LRRC4C: variants seen among roughly 807,000 people sequenced by gnomAD.
LRRC4C encodes leucine rich repeat containing 4C.
A neutral mutation model predicts 33.6 loss-of-function variants in LRRC4C; 5 were observed. The observed-to-expected ratio is 0.15, with a 90% CI of 0.08 to 0.31. LRRC4C has a LOEUF of 0.31. Among genes scored for constraint, LRRC4C ranks in the 10% least tolerant of loss-of-function variants. The probability of loss-of-function intolerance (pLI) is 1.00; values close to 1 mark genes in which losing one functional copy is unlikely to be tolerated. For missense variants in LRRC4C, 560 were observed against 796.7 expected, an observed-to-expected ratio of 0.70 and a Z score of 3.58; for synonymous variants, 329 against 302.0, an observed-to-expected ratio of 1.09 and a Z score of -0.93.
chr11:41,390,296 A>G (rs944194228), intron 1 of LRRC4C, among the ~76,000 whole-genome samples: 2 of 152,056 alleles, frequency 1.3e-5, no homozygotes, highest in Non-Finnish European at 2.9e-5. Flanking sequence ...TTTAGGAGAA[A>G]CAATCAGTCT....
At chr11:41,021,412 C>T (rs2137677418) in intron 1 of LRRC4C, among the ~76,000 whole-genome samples, 1 of 152,046 alleles carries the variant, frequency 6.6e-6, no homozygotes, top group African/African-American at 2.4e-5. Context: ...TAACAAAAAA[C>T]CCTACACTAG....
At chr11:40,799,714 C>G (rs897039553) in intron 2 of LRRC4C, among the ~76,000 whole-genome samples, 3 of 152,218 alleles carry the variant, frequency 2.0e-5, no homozygotes, top group African/African-American at 7.2e-5. Context: ...AGTGATTCAC[C>G]TGCCTCGGCC....
chr11:40,492,599 C>T (rs956622001), intron 3 of LRRC4C, among the ~76,000 whole-genome samples: 1 of 152,118 alleles, frequency 6.6e-6, no homozygotes, highest in Admixed American at 6.6e-5. Flanking sequence ...TGGTTTCAAA[C>T]AATTCAACTG....
At chr11:40,638,077 T>C (rs1022913144) in intron 3 of LRRC4C, among the ~76,000 whole-genome samples, 2 of 152,244 alleles carry the variant, frequency 1.3e-5, no homozygotes, top group African/African-American at 4.8e-5. Flanking sequence ...CTGACTGTCA[T>C]TTAAAATTGC....
chr11:41,349,453 G>GA (rs753055771), intron 1 of LRRC4C, among the ~76,000 whole-genome samples: 115 of 150,338 alleles, frequency 7.6e-4, no homozygotes, highest in Middle Eastern at 3.4e-3. Flanking sequence ...AGGGGCTGGA[G>GA]GAAAAAAACA....
At chr11:40,975,150 A>T (rs1592234815) in intron 1 of LRRC4C, among the ~76,000 whole-genome samples, 1 of 152,212 alleles carries the variant, frequency 6.6e-6, no homozygotes, top group East Asian at 1.9e-4. Context: ...ATATCTATAG[A>T]TGTCTATCTA....
chr11:40,830,316 G>GT (rs1226444681), intron 2 of LRRC4C, among the ~76,000 whole-genome samples: 1 of 152,030 alleles, frequency 6.6e-6, no homozygotes, highest in Non-Finnish European at 1.5e-5. Context: ...ATACAAGCTA[G>GT]TATCTTATTA....
At chr11:41,076,729 A>G (rs980067950) in intron 1 of LRRC4C, among the ~76,000 whole-genome samples, 1 of 152,028 alleles carries the variant, frequency 6.6e-6, no homozygotes, top group Non-Finnish European at 1.5e-5. Flanking sequence ...TCCTTTTCAC[A>G]TTTCAAAACC....
At chr11:40,715,765 C>T (rs868110693) in intron 2 of LRRC4C, among the ~76,000 whole-genome samples, 2 of 152,210 alleles carry the variant, frequency 1.3e-5, no homozygotes, top group Non-Finnish European at 2.9e-5. Context: ...TAGCTCATGC[C>T]TATAATCCCA....
At position 40,673,173 on chromosome 11, in the gene LRRC4C, C is replaced by T. The variant is rs12291211; in HGVS notation, c.-406-24895G>A. Among the ~76,000 whole-genome samples, 973 of 152,058 alleles carry T rather than the reference C, an allele frequency of 6.4e-3. 14 individuals are homozygous for T. Among genetic ancestry groups the T allele is most frequent in the African/African-American group, 0.022 (920 of 41,488 alleles). ...TTCAAAAAGTTTATTATGGTGAAACCAATATCTTCTCTTACATGATCCTTA... is the reference window on the plus strand; with the variant it reads ...TTCAAAAAGTTTATTATGGTGAAACTAATATCTTCTCTTACATGATCCTTA... On this transcript the variant is annotated intron_variant, in intron 2 of 6. Transcript: ENST00000528697.
chr11:40,849,568 A>AT (rs369965113), intron 2 of LRRC4C, among the ~76,000 whole-genome samples: 32 of 151,450 alleles, frequency 2.1e-4, no homozygotes, highest in Non-Finnish European at 7.4e-5. Flanking sequence ...TGCCCTTAAC[A>AT]TTTTTTTTCC....
In LRRC4C at chr11:41,459,614, C is replaced by T. The variant is rs565062745; in HGVS notation, c.-679G>A. 1 of 151,340 alleles carries T rather than the reference C, an allele frequency of 6.6e-6. No individual in the cohort carries two copies. The highest frequency in any genetic ancestry group is 2.1e-4 in the South Asian group (1 of 4,792). The allele number at this position is 151,340 out of a possible 1,614,324, so 9.4% of individuals were successfully genotyped here. On this transcript the variant is annotated 5_prime_UTR_variant, in exon 1 of 7. Coordinates refer to ENST00000528697, the MANE Select transcript of LRRC4C (RefSeq NM_001258419.2). ...CAGCAAAAACGTGTCCAAGAGACTC[C>T]GCCAAAAAGTAAGCCAAAAACTCAT... is the stretch of plus-strand genomic sequence containing the variant.
At chr11:40,513,529 G>A (rs1955430181) in intron 3 of LRRC4C, among the ~76,000 whole-genome samples, 1 of 152,144 alleles carries the variant, frequency 6.6e-6, no homozygotes, top group Admixed American at 6.5e-5. Context: ...AAGCTGGAGA[G>A]GTGGATGAGA....
chr11:40,639,042 C>T (rs1194034427), intron 3 of LRRC4C, among the ~76,000 whole-genome samples: 1 of 151,944 alleles, frequency 6.6e-6, no homozygotes, highest in African/African-American at 2.4e-5. Context: ...GGAAAATCCT[C>T]AAGGCCTTCC....
rs544679243 is a variant in LRRC4C, at chr11:41,190,399, A to G, written c.-495-256676T>C. Among the ~76,000 whole-genome samples, 5 of 152,282 alleles carry G rather than the reference A, an allele frequency of 3.3e-5. No individual in the cohort carries two copies. The South Asian group carries it at 8.3e-4, about 25-fold the overall frequency. ...TTTTTAGGGTGTAAACAAGAGGGAGAATCCAAGCATTTGCAGGAAGAACAC... is the reference window on the plus strand; with the variant it reads ...TTTTTAGGGTGTAAACAAGAGGGAGGATCCAAGCATTTGCAGGAAGAACAC... On this transcript the variant is annotated intron_variant, in intron 1 of 6. Coordinates refer to ENST00000528697, the MANE Select transcript of LRRC4C (RefSeq NM_001258419.2).
chr11:41,434,234 G>A (rs956712083), intron 1 of LRRC4C, among the ~76,000 whole-genome samples: 4 of 152,144 alleles, frequency 2.6e-5, no homozygotes, highest in Admixed American at 6.5e-5. Flanking sequence ...ACATCCTTTG[G>A]TTTCCTCTCA....
chr11:40,183,199 C>T (rs562345632), intron 5 of LRRC4C, among the ~76,000 whole-genome samples: 2 of 152,224 alleles, frequency 1.3e-5, no homozygotes, highest in Non-Finnish European at 2.9e-5. Context: ...TTAATCAAGG[C>T]ATTTTTTTTT....
chr11:41,371,289 G>A (rs1015481308), intron 1 of LRRC4C, among the ~76,000 whole-genome samples: 23 of 152,256 alleles, frequency 1.5e-4, no homozygotes, highest in African/African-American at 4.3e-4. Context: ...CGCTTAGACC[G>A]ATAGGAAGAC....
At chr11:40,852,477 A>G (rs1369824508) in intron 2 of LRRC4C, among the ~76,000 whole-genome samples, 1 of 152,138 alleles carries the variant, frequency 6.6e-6, no homozygotes. Context: ...AACAATATTA[A>G]TATATTTAGT....
Sources: gnomAD v4.1 joint callset for allele counts (sites outside exome capture counted in the v4.1 genomes callset) on GRCh38, gnomAD v4.1.1 for gene constraint, MANE v1.5 for transcripts, NCBI Gene and HGNC (gene_info 2026-07-23, HGNC 2026-07-21) for gene names.